The following DNAAF5 variants were observed in gnomAD, a reference collection of about 807,000 sequenced individuals.
DNAAF5 encodes the protein dynein axonemal assembly factor 5, also known as HEAT repeat containing 2.
Under a neutral mutation model 75.8 loss-of-function variants are expected in DNAAF5, and 64 were observed. The ratio of observed to expected loss-of-function variants is 0.84; its 90% CI spans 0.69 to 1.04. The LOEUF (loss-of-function observed/expected upper bound fraction) is 1.04. Ranked by LOEUF, DNAAF5 falls within the 50% of genes least tolerant of loss-of-function variation. DNAAF5 has a pLI of 0.00. For synonymous variants in DNAAF5, 657 were observed against 557.2 expected (o/e 1.18, Z -2.52); for missense variants, 1,269 against 1,178.5 (o/e 1.08, Z -1.12).
intron 8 of DNAAF5, among the ~76,000 whole-genome samples, chr7:768,022 C>G (rs369215603): frequency 7.3e-5 from 11 of 150,870 alleles, no homozygotes; most frequent in East Asian, 2.0e-4. Flanking sequence ...GTCCTTGCAG[C>G]GAGCAGGAGC....
At chr7:770,444 C>A (rs774614329) in intron 8 of DNAAF5, 27 bp from the exon 9 acceptor site, 3 of 1,606,520 alleles carry the variant, frequency 1.9e-6, no homozygotes, top group Admixed American at 3.4e-5. Flanking sequence ...GAGGGCCGTG[C>A]ACAGGAGCCT....
intron 2 of DNAAF5, among the ~76,000 whole-genome samples, chr7:730,644 C>T (rs1781534287): frequency 4.6e-5 from 7 of 152,322 alleles, no homozygotes; most frequent in South Asian, 4.1e-4. Flanking sequence ...GGGGTCCACC[C>T]GTAGGGCCGG....
intron 8 of DNAAF5, among the ~76,000 whole-genome samples, chr7:766,355 G>T (rs1177172672): frequency 1.3e-5 from 2 of 152,024 alleles, no homozygotes; most frequent in Non-Finnish European, 2.9e-5. Flanking sequence ...AAGACAAAAG[G>T]ATTAAAACAA....
At chr7:783,658 A>G (rs1168167431) in intron 12 of DNAAF5, among the ~76,000 whole-genome samples, 1 of 152,226 alleles carries the variant, frequency 6.6e-6, no homozygotes, top group East Asian at 1.9e-4. Flanking sequence ...AAAGGAGGAC[A>G]GCAGCTCACG....
intron 2 of DNAAF5, among the ~76,000 whole-genome samples, chr7:738,292 T>G (rs1781797188): frequency 6.6e-6 from 1 of 152,174 alleles, no homozygotes; most frequent in Non-Finnish European, 1.5e-5. Flanking sequence ...ATCTGTTAAT[T>G]TCTCTGATAG....
chr7:777,123 G>A (rs1778787753), intron 11 of DNAAF5, among the ~76,000 whole-genome samples: 1 of 152,198 alleles, frequency 6.6e-6, no homozygotes, highest in South Asian at 2.1e-4. Context: ...AGGATGATGA[G>A]TTGTAGAATT....
chr7:779,621 G>C (rs1213430293), intron 11 of DNAAF5, among the ~76,000 whole-genome samples: 1 of 152,076 alleles, frequency 6.6e-6, no homozygotes, highest in Non-Finnish European at 1.5e-5. Flanking sequence ...GGAGGTGGAG[G>C]GCCAGGTGAG....
chr7:777,829 G>A (rs778399683), intron 11 of DNAAF5, among the ~76,000 whole-genome samples: 7 of 152,164 alleles, frequency 4.6e-5, no homozygotes, highest in Non-Finnish European at 8.8e-5. Flanking sequence ...AGACAGAGAG[G>A]GGTGCAAGGC....
chr7:734,829 C>T (rs1384478835), intron 2 of DNAAF5, among the ~76,000 whole-genome samples: 1 of 152,198 alleles, frequency 6.6e-6, no homozygotes, highest in East Asian at 1.9e-4. Context: ...TTATCCATTT[C>T]TTCTAGGTTT....
intron 2 of DNAAF5, among the ~76,000 whole-genome samples, chr7:732,954 G>C (rs182928003): frequency 1.3e-5 from 2 of 152,264 alleles, no homozygotes; most frequent in East Asian, 3.9e-4. Context: ...TTTGATTTTT[G>C]TACATGGTGA....
intron 2 of DNAAF5, among the ~76,000 whole-genome samples, chr7:735,103 T>G (rs1387574080): frequency 6.6e-6 from 1 of 150,884 alleles, no homozygotes; most frequent in East Asian, 1.9e-4. Flanking sequence ...CATGGTGTTC[T>G]TCATGGTGTA....
rs766882284 is a variant in DNAAF5, at chr7:774,186, G to T, written c.2070G>T (p.Leu690=). The T allele has an allele frequency of 1.4e-5, 22 of 1,608,420 alleles. No individual in the cohort carries two copies. Among genetic ancestry groups the T allele is most frequent in the Non-Finnish European group, 1.9e-5 (22 of 1,179,402 alleles). The change falls in exon 10 of 13, where the codon CTG becomes CTT. Residue 690 remains leucine, a synonymous_variant. Coordinates refer to ENST00000297440, the MANE Select transcript of DNAAF5 (RefSeq NM_017802.4). The part of the protein sequence containing the change: ...CLWALTSSEV[L]SAEQIRDVQE... Reference sequence around the variant, plus strand: ...GGGCGCTCACCAGCAGCGAGGTCCTGTCGGCAGAGCAGGTACGGGGCTCCC... The same window carrying T: ...GGGCGCTCACCAGCAGCGAGGTCCTTTCGGCAGAGCAGGTACGGGGCTCCC...
intron 12 of DNAAF5, 83 bp from the exon 13 acceptor site, chr7:785,434 C>T (rs887977454): frequency 6.7e-7 from 1 of 1,501,498 alleles, no homozygotes; most frequent in Non-Finnish European, 9.2e-7. Context: ...GCTTGAACTT[C>T]ACTACAAAGC....
chr7:732,437 T>C lies in DNAAF5; in HGVS notation c.780+2590T>C, dbSNP rs1449679344. 3 of 435,554 alleles carry C rather than the reference T, an allele frequency of 6.9e-6. No homozygotes were observed. In the Admixed American group the frequency reaches 7.4e-5, roughly 11 times the overall value. The allele number at this position is 435,554 out of a possible 1,614,324, so 27.0% of individuals were successfully genotyped here. A position where few individuals can be genotyped will look rare whatever the true frequency, so the allele number is the denominator to read the frequency against. Reference sequence around the variant, plus strand: ...GGGGTGCCCTGGTTGTCGCCAGGCCTGCAGTCGGCAGCTGCTCAGCTTTGC... The same window carrying C: ...GGGGTGCCCTGGTTGTCGCCAGGCCCGCAGTCGGCAGCTGCTCAGCTTTGC... On this transcript the variant is annotated intron_variant, in intron 2 of 12. Transcript: ENST00000297440.
At position 741,462 on chromosome 7, in the gene DNAAF5, C is replaced by T. The variant is rs1227864839; in HGVS notation, c.1021C>T (p.His341Tyr). ...TCCCACCCCACCCCATTACCCTCCA[C>T]ATGGTGAGTGACCGCGGCAGAGGGG... is the stretch of plus-strand genomic sequence containing the variant. ...APPTPPHYPP[H>Y]ERRPVLGCRE... is the part of the protein sequence containing the mutation. Residue 341 changes from histidine (H) to tyrosine (Y), a missense_variant, in exon 4 of 13, where the codon CAT becomes TAT. Transcript: ENST00000297440. 1.3e-6 allele frequency: 2 copies of T among 1,538,132 alleles called. No homozygotes were observed. Among genetic ancestry groups the T allele is most frequent in the Middle Eastern group, 2.0e-4 (1 of 5,020 alleles).
rs1204540440 is a variant in DNAAF5 at position 754,588 on chromosome 7, G to A, written c.1025-1G>A. Reference sequence around the variant, plus strand: ...ATTCTTCTTTCCCTTTTTCGTTCCAGAGCGCCGCCCTGTGCTGGGCTGCCG... The same window carrying A: ...ATTCTTCTTTCCCTTTTTCGTTCCAAAGCGCCGCCCTGTGCTGGGCTGCCG... On this transcript the variant is annotated splice_acceptor_variant, in intron 4 of 12. Transcript: ENST00000297440. LOFTEE classifies it high-confidence loss of function. The surrounding 1 kb of genome is among the most constrained non-coding windows in gnomAD (Gnocchi z 4.8). The A allele has an allele frequency of 6.2e-7, 1 of 1,603,530 alleles. No individual in the cohort carries two copies. Among genetic ancestry groups the A allele is most frequent in the Non-Finnish European group, 8.5e-7 (1 of 1,175,000 alleles).
intron 9 of DNAAF5, chr7:772,126 G>T (rs188403595): frequency 1.4e-4 from 22 of 152,438 alleles, no homozygotes; most frequent in African/African-American, 5.1e-4. Context: ...TGCTGTGCGG[G>T]TGCCCAAGAG....
In DNAAF5 at chr7:779,941, C is replaced by A; in HGVS notation, c.2240-12C>A. ...TCTAGACTCACACACCTGTCTCGCT[C>A]CCTCCTTCCAGAACTCTTAAAACGC... On this transcript the variant is annotated splice_polypyrimidine_tract_variant and intron_variant, in intron 11 of 12. Transcript: ENST00000297440. The A allele has an allele frequency of 6.2e-7, 1 of 1,612,554 alleles. No homozygotes were observed. The highest frequency in any genetic ancestry group is 1.1e-5 in the South Asian group (1 of 90,884).
At position 754,649 on chromosome 7, in the gene DNAAF5, C is replaced by T; in HGVS notation, c.1085C>T (p.Pro362Leu). The part of the protein sequence containing the change: ...LVFRNLSKIL[P>L]ALCHDITDWV... ...TTCAGGAACCTCTCCAAGATCCTCC[C>T]TGCCCTGTGCCACGACATCACCGAC... The change falls in exon 5 of 13, where the codon CCT (proline) becomes CTT (leucine). Residue 362 changes from proline (P) to leucine (L), a missense_variant. Coordinates refer to ENST00000297440, the MANE Select transcript of DNAAF5 (RefSeq NM_017802.4). The surrounding 1 kb of genome is among the most constrained non-coding windows in gnomAD (Gnocchi z 4.8). 6.2e-7 allele frequency: 1 copy of T among 1,614,182 alleles called. No individual in the cohort carries two copies. Among genetic ancestry groups the T allele is most frequent in the Non-Finnish European group, 8.5e-7 (1 of 1,180,034 alleles).
Sources: allele counts gnomAD v4.1 joint callset (sites outside exome capture counted in the v4.1 genomes callset), GRCh38; gene constraint gnomAD v4.1.1; non-coding constraint Gnocchi (gnomAD v3.1); transcripts MANE v1.5; gene names NCBI Gene and HGNC (gene_info 2026-07-23, HGNC 2026-07-21).